The following XRN1 variants were observed in gnomAD, a reference collection of about 807,000 sequenced individuals.
XRN1 encodes the protein strand-exchange protein 1 homolog.
In XRN1, 67 loss-of-function variants were observed where a neutral mutation model predicts 222.3. The ratio of observed to expected loss-of-function variants is 0.30; its 90% CI spans 0.25 to 0.37. XRN1 has a LOEUF of 0.37. Among genes scored for constraint, XRN1 ranks in the 10% least tolerant of loss-of-function variants. The probability of loss-of-function intolerance (pLI) is 1.00; values close to 1 mark genes in which losing one functional copy is unlikely to be tolerated. For synonymous variants in XRN1, 643 were observed against 652.4 expected, an observed-to-expected ratio of 0.99 and a Z score of 0.22; for missense variants, 1,707 against 2,000.2, an observed-to-expected ratio of 0.85 and a Z score of 2.80.
intron 35 of XRN1, 95 bp downstream of exon 35, chr3:142,332,872 C>T: frequency 6.7e-7 from 1 of 1,495,806 alleles, no homozygotes; most frequent in South Asian, 1.4e-5. Context: ...TACCAGCCTC[C>T]ATGATGGAAG....
At chr3:142,374,517 C>T (rs2067082785) in intron 25 of XRN1, among the ~76,000 whole-genome samples, 1 of 152,056 alleles carries the variant, frequency 6.6e-6, no homozygotes, top group South Asian at 2.1e-4. Context: ...TGAACATTTA[C>T]TTCATCATAA....
intron 23 of XRN1, among the ~76,000 whole-genome samples, chr3:142,379,280 AAAAACCAAAACC>A (rs1368159341): frequency 4.6e-5 from 7 of 152,282 alleles, no homozygotes; most frequent in East Asian, 1.9e-4. Context: ...CACAAAAAGA[AAAAACCAAAACC>A]AAAACCAAAA....
chr3:142,409,635 T>C (rs1247460954), intron 15 of XRN1, among the ~76,000 whole-genome samples: 1 of 152,210 alleles, frequency 6.6e-6, no homozygotes, highest in Non-Finnish European at 1.5e-5. Flanking sequence ...TGGATTGTTT[T>C]GGTTTTCTCC....
intron 33 of XRN1, among the ~76,000 whole-genome samples, chr3:142,336,454 AAGGG>A (rs1260337267): frequency 2.6e-5 from 4 of 151,256 alleles, no homozygotes; most frequent in Non-Finnish European, 4.4e-5. Flanking sequence ...GAAGGAAGGG[AAGGG>A]AGGGAGGGAG....
At chr3:142,364,136 T>C (rs188882736) in intron 29 of XRN1, among the ~76,000 whole-genome samples, 71 of 152,320 alleles carry the variant, frequency 4.7e-4, no homozygotes, top group African/African-American at 1.5e-3. Flanking sequence ...CCTTGGGTGA[T>C]AGTGAGGGTT....
intron 1 of XRN1, among the ~76,000 whole-genome samples, chr3:142,438,633 C>G (rs1316674319): frequency 6.6e-6 from 1 of 152,130 alleles, no homozygotes; most frequent in Non-Finnish European, 1.5e-5. Context: ...TGGGACCAAT[C>G]TGACCCTCAG....
At chr3:142,437,759 C>T in intron 1 of XRN1, among the ~76,000 whole-genome samples, 1 of 152,046 alleles carries the variant, frequency 6.6e-6, no homozygotes, top group East Asian at 1.9e-4. Flanking sequence ...AAGAGACAAC[C>T]CATAGAATGG....
At chr3:142,394,536 T>C (rs975763536) in intron 20 of XRN1, among the ~76,000 whole-genome samples, 3 of 152,196 alleles carry the variant, frequency 2.0e-5, no homozygotes, top group African/African-American at 7.2e-5. Context: ...CCATCCTCAA[T>C]AGCTAAACTC....
At chr3:142,332,074 G>C (rs2107919002) in intron 36 of XRN1, among the ~76,000 whole-genome samples, 2 of 152,176 alleles carry the variant, frequency 1.3e-5, no homozygotes, top group African/African-American at 4.8e-5. Flanking sequence ...CACCTGGCCA[G>C]TTATATTATT....
intron 34 of XRN1, among the ~76,000 whole-genome samples, chr3:142,334,765 T>TACAC (rs1491418734): frequency 2.5e-4 from 28 of 114,190 alleles, no homozygotes; most frequent in African/African-American, 1.2e-3. Flanking sequence ...TATGTCTATG[T>TACAC]ATACACACAC....
Position 142,444,891 on chromosome 3 carries a change from A to G in XRN1, c.75+2979T>C, listed in dbSNP as rs548452925. Among the ~76,000 whole-genome samples, 6 of 152,306 alleles carry G rather than the reference A, an allele frequency of 3.9e-5. No individual in the cohort carries two copies. The South Asian group carries it at 1.0e-3, about 26-fold the overall frequency. On this transcript the variant is annotated intron_variant, in intron 1 of 40. Transcript: ENST00000392981. The stretch of plus-strand genomic sequence containing the variant: ...GCTTCATTTCACTTTTTTAAAAAAT[A>G]CTGTTTTACAACATACTAATATACC...
chr3:142,325,291 T>C (rs1430079541), intron 37 of XRN1, among the ~76,000 whole-genome samples: 2 of 152,212 alleles, frequency 1.3e-5, no homozygotes, highest in Non-Finnish European at 2.9e-5. Context: ...ATCATTGTAG[T>C]TTTGATTTGC....
In XRN1 at chr3:142,447,644, G is replaced by A. The variant is rs2108231826; in HGVS notation, c.75+226C>T. On this transcript the variant is annotated intron_variant, in intron 1 of 40. Coordinates refer to ENST00000392981, the MANE Select transcript of XRN1 (RefSeq NM_001282857.2). This position sits in a 1 kb window ranked among gnomAD's most constrained non-coding sequence, Gnocchi z 4.2. ...GGACCAGCAGAAGCAAGAGCTGTCA[G>A]AGAAGCCGTGAACCCAGCGGCTCTG... Among the ~76,000 whole-genome samples the A allele has an allele frequency of 6.6e-6, 1 of 152,362 alleles. No homozygotes were observed. Among genetic ancestry groups the A allele is most frequent in the South Asian group, 2.1e-4 (1 of 4,830 alleles).
chr3:142,409,031 A>C (rs1283818547), intron 15 of XRN1, among the ~76,000 whole-genome samples: 1 of 152,226 alleles, frequency 6.6e-6, no homozygotes, highest in African/African-American at 2.4e-5. Context: ...TTTGCCATTT[A>C]AAAAATTGGG....
chr3:142,432,601 T>C (rs1055723921), intron 2 of XRN1, 60 bp downstream of exon 2: 49 of 1,383,196 alleles, frequency 3.5e-5, no homozygotes, highest in Non-Finnish European at 4.7e-5. Flanking sequence ...CAATTATCTT[T>C]AAAATAACAT....
intron 26 of XRN1, 122 bp downstream of exon 26, chr3:142,371,117 A>G (rs2066977713): frequency 1.2e-6 from 1 of 815,834 alleles, no homozygotes; most frequent in Non-Finnish European, 1.9e-6. Flanking sequence ...GCAAGAGAGT[A>G]AGAACCTGTC....
At chr3:142,392,233 G>C (rs1216871591) in intron 20 of XRN1, among the ~76,000 whole-genome samples, 1 of 151,400 alleles carries the variant, frequency 6.6e-6, no homozygotes, top group East Asian at 1.9e-4. Context: ...TTATGTCAAT[G>C]TCTACATGTA....
At chr3:142,380,952 C>T (rs1277034461) in intron 22 of XRN1, among the ~76,000 whole-genome samples, 2 of 151,832 alleles carry the variant, frequency 1.3e-5, no homozygotes. Flanking sequence ...CTGTGCTTGG[C>T]CCAATCATTC....
intron 40 of XRN1, 74 bp downstream of exon 40, chr3:142,312,524 T>C (rs998265558): frequency 3.3e-5 from 46 of 1,391,714 alleles, no homozygotes; most frequent in Admixed American, 1.4e-4. Context: ...ATAAGTAAAC[T>C]GAATAAAAAA....
Sources: gnomAD v4.1 joint callset for allele counts (sites outside exome capture counted in the v4.1 genomes callset) on GRCh38, gnomAD v4.1.1 for gene constraint, Gnocchi (gnomAD v3.1) non-coding constraint, MANE v1.5 for transcripts, NCBI Gene and HGNC (gene_info 2026-07-23, HGNC 2026-07-21) for gene names.